Variants in TIPIN observed in about 807,000 individuals in gnomAD.
TIPIN encodes the protein TIMELESS-interacting protein.
A neutral mutation model predicts 35.6 loss-of-function variants in TIPIN; 29 were observed. That is an observed-to-expected ratio of 0.82 (90% CI 0.61 to 1.11). TIPIN has a LOEUF of 1.11. Ranked by LOEUF, TIPIN falls within the 50% of genes most tolerant of loss-of-function variation. The pLI is 0.00. For synonymous variants in TIPIN, 102 were observed against 121.5 expected (o/e 0.84, Z 1.06); for missense variants, 296 against 345.4 (o/e 0.86, Z 1.13).
At chr15:66,371,764 G>A (rs1050333765) in intron 1 of TIPIN, among the ~76,000 whole-genome samples, 8 of 151,854 alleles carry the variant, frequency 5.3e-5, no homozygotes, top group Admixed American at 1.3e-4. Context: ...TGATCCGCCC[G>A]CCTCAGCCTC....
chr15:66,385,448 T>C (rs913334907), intron 1 of TIPIN, among the ~76,000 whole-genome samples: 1 of 152,192 alleles, frequency 6.6e-6, no homozygotes, highest in African/African-American at 2.4e-5. Flanking sequence ...TTTATTCACA[T>C]CTTATTTCTT....
chr15:66,352,175 G>A lies in TIPIN; in HGVS notation c.166C>T (p.Pro56Ser). Residue 56 changes from proline to serine, a missense_variant, in exon 3 of 8, where the codon CCA (proline) becomes TCA (serine). By Grantham distance (74) the Pro-to-Ser change is moderately conservative (BLOSUM62 -1). Coordinates refer to ENST00000261881, the MANE Select transcript of TIPIN (RefSeq NM_017858.3). The part of the protein sequence containing the change: ...SGNGAPVRVP[P>S]KRTVKRNIPK... ...ATATTTCTTTTAACTGTTCTCTTTG[G>A]AGGTACACGAACAGGTGCTCCATTT... 6.2e-7 allele frequency: 1 copy of A among 1,610,972 alleles called. No homozygotes were observed. The highest frequency in any genetic ancestry group is 8.5e-7 in the Non-Finnish European group (1 of 1,178,532).
rs1185934086 is a variant in TIPIN, at chr15:66,379,474, C to T, written c.-9+7133G>A. 1.9e-6 allele frequency: 3 copies of T among 1,608,032 alleles called. No homozygotes were observed. The Admixed American group carries it at 5.0e-5, about 27-fold the overall frequency. ...TTTGAAACAAGCTCAATGTCATTTC[C>T]TTCAAAGATTAATTCATCTTTCTGG... is the stretch of plus-strand genomic sequence containing the variant. On this transcript the variant is annotated intron_variant, in intron 1 of 7. Coordinates refer to the TIPIN transcript ENST00000562124.
At chr15:66,369,686 T>C (rs1306243410) in intron 1 of TIPIN, among the ~76,000 whole-genome samples, 2 of 152,202 alleles carry the variant, frequency 1.3e-5, no homozygotes, top group East Asian at 3.8e-4. Flanking sequence ...CATGACTATA[T>C]GCCATGCATA....
rs78186256 is a variant in TIPIN, at chr15:66,383,880, C to T, written c.-9+2727G>A. On this transcript the variant is annotated intron_variant, in intron 1 of 7. Transcript: ENST00000562124. ...ATACTTTACACAAGCCTTTATGTGA[C>T]GGTATAGATATGTTAATTCACTTCA... Among the ~76,000 whole-genome samples, 539 of 152,192 alleles carry T rather than the reference C, an allele frequency of 3.5e-3. 4 individuals carry two copies. Among genetic ancestry groups the T allele is most frequent in the African/African-American group, 0.011 (477 of 41,534 alleles).
intron 1 of TIPIN, among the ~76,000 whole-genome samples, chr15:66,380,636 GAA>G (rs1284117532): frequency 1.3e-5 from 2 of 151,974 alleles, no homozygotes; most frequent in African/African-American, 2.4e-5. Context: ...CCAACATGGT[GAA>G]ACCCCATCTG....
At chr15:66,376,198 A>G (rs566665837) in intron 1 of TIPIN, among the ~76,000 whole-genome samples, 89 of 152,244 alleles carry the variant, frequency 5.8e-4, no homozygotes, top group Non-Finnish European at 1.2e-3. Flanking sequence ...CACATCATAC[A>G]TTTTGAAGAT....
intron 1 of TIPIN, chr15:66,366,725 C>G (rs2093256099): frequency 1.5e-6 from 1 of 673,886 alleles, no homozygotes; most frequent in Admixed American, 6.5e-5. Flanking sequence ...TGAGAATGCA[C>G]CATTGCACTC....
chr15:66,353,196 T>C (rs939128885), intron 1 of TIPIN, among the ~76,000 whole-genome samples: 9 of 152,134 alleles, frequency 5.9e-5, no homozygotes, highest in African/African-American at 1.9e-4. Flanking sequence ...TTACCTCAAC[T>C]ATTGAGTTTC....
At chr15:66,368,165 A>T (rs1566983665) in intron 1 of TIPIN, among the ~76,000 whole-genome samples, 1 of 152,006 alleles carries the variant, frequency 6.6e-6, no homozygotes, top group Non-Finnish European at 1.5e-5. Context: ...ATTTCCCTAA[A>T]ATAAATTTCT....
At chr15:66,383,991 TATTTA>T (rs1004299448) in intron 1 of TIPIN, among the ~76,000 whole-genome samples, 21 of 152,042 alleles carry the variant, frequency 1.4e-4, no homozygotes, top group African/African-American at 4.8e-4. Flanking sequence ...TATTTTTATT[TATTTA>T]ATTTATTTAT....
At chr15:66,343,927 G>C (rs1566972240) in intron 6 of TIPIN, among the ~76,000 whole-genome samples, 1 of 151,546 alleles carries the variant, frequency 6.6e-6, no homozygotes, top group Non-Finnish European at 1.5e-5. Context: ...GAACCCGGGA[G>C]GCAGAGGTTG....
intron 1 of TIPIN, among the ~76,000 whole-genome samples, chr15:66,367,981 G>A (rs949166287): frequency 4.0e-5 from 6 of 151,156 alleles, no homozygotes; most frequent in Non-Finnish European, 8.8e-5. Context: ...CTACAGGTGC[G>A]CGCCACCATG....
chr15:66,356,626 A>C lies in TIPIN; in HGVS notation c.-9+13T>G. 1 of 974,578 alleles carries C rather than the reference A, an allele frequency of 1.0e-6. No homozygotes were observed. The highest frequency in any genetic ancestry group is 1.2e-6 in the Non-Finnish European group (1 of 824,176). 60.4% of individuals were successfully genotyped at this position (974,578 alleles called of 1,614,324 possible). A position where few individuals can be genotyped will look rare whatever the true frequency, so the allele number is the denominator to read the frequency against. ...CCCGCAAGAACTTCATTGGCCCGCC[A>C]GCCAGCTCTCACCTCACGCAGAAAA... On this transcript the variant is annotated intron_variant, in intron 1 of 7. Transcript: ENST00000261881.
At chr15:66,355,096 C>T (rs1178880616) in intron 1 of TIPIN, among the ~76,000 whole-genome samples, 1 of 145,434 alleles carries the variant, frequency 6.9e-6, no homozygotes, top group Non-Finnish European at 1.5e-5. Context: ...TGCAGTGGCG[C>T]GATCTCTGCT....
intron 1 of TIPIN, chr15:66,380,002 CT>C (rs55835135): frequency 0.064 from 18,533 of 287,786 alleles, 193 homozygotes; most frequent in Middle Eastern, 0.11. Context: ...TTCTTTCTTT[CT>C]TTTTTTTTTT....
chr15:66,342,470 TCTC>T (rs975726324), intron 6 of TIPIN, among the ~76,000 whole-genome samples: 1 of 152,102 alleles, frequency 6.6e-6, no homozygotes, highest in Non-Finnish European at 1.5e-5. Flanking sequence ...TTCATGTGAT[TCTC>T]CTCCATCAGC....
intron 4 of TIPIN, among the ~76,000 whole-genome samples, chr15:66,350,301 C>A (rs1379574263): frequency 6.6e-6 from 1 of 151,940 alleles, no homozygotes; most frequent in African/African-American, 2.4e-5. Context: ...AAAAAAATCC[C>A]AGTACAAAAA....
At chr15:66,378,709 A>G (rs2140499137) in intron 1 of TIPIN, among the ~76,000 whole-genome samples, 1 of 150,170 alleles carries the variant, frequency 6.7e-6, no homozygotes, top group East Asian at 2.0e-4. Context: ...TACTTGTATG[A>G]TTTCACCTTT....
Sources: gnomAD v4.1 joint callset for allele counts (sites outside exome capture counted in the v4.1 genomes callset) on GRCh38, gnomAD v4.1.1 for gene constraint, MANE v1.5 for transcripts, NCBI Gene and HGNC (gene_info 2026-07-23, HGNC 2026-07-21) for gene names.